Variants in MYL12B observed in about 807,000 individuals in gnomAD.
The protein encoded by MYL12B is myosin regulatory light chain 12B.
Under a neutral mutation model 12.9 loss-of-function variants are expected in MYL12B, and 3 were observed. That is an observed-to-expected ratio of 0.23 (90% confidence interval 0.11 to 0.60). The LOEUF is 0.60. MYL12B is among the 20% of genes least tolerant of loss of function. The probability of loss-of-function intolerance (pLI) is 0.89; values close to 1 mark genes in which losing one functional copy is unlikely to be tolerated. For missense variants in MYL12B, 120 were observed against 215.4 expected, an observed-to-expected ratio of 0.56 and a Z score of 2.77; for synonymous variants, 57 against 71.9, an observed-to-expected ratio of 0.79 and a Z score of 1.05.
At chr18:3,270,266 G>A (rs979720450) in intron 1 of MYL12B, among the ~76,000 whole-genome samples, 4 of 152,156 alleles carry the variant, frequency 2.6e-5, no homozygotes, top group Non-Finnish European at 5.9e-5. Flanking sequence ...TACTGTATGT[G>A]TAGTTTTTAT....
intron 1 of MYL12B, among the ~76,000 whole-genome samples, chr18:3,264,041 T>G (rs1190999209): frequency 6.6e-6 from 1 of 152,222 alleles, no homozygotes; most frequent in East Asian, 1.9e-4. Flanking sequence ...AATCAGTGCC[T>G]GGCACATCTT....
At chr18:3,268,158 A>G (rs1257000942) in intron 1 of MYL12B, among the ~76,000 whole-genome samples, 2 of 152,344 alleles carry the variant, frequency 1.3e-5, no homozygotes, top group Non-Finnish European at 2.9e-5. Context: ...CCCTCAGATA[A>G]GGAGGGACTG....
intron 1 of MYL12B, chr18:3,262,747 C>G (rs1225956264): frequency 6.6e-6 from 1 of 152,458 alleles, no homozygotes; most frequent in African/African-American, 2.4e-5. Flanking sequence ...GTTGCACGGT[C>G]TTGCCTAAGG....
chr18:3,275,918 G>A (rs1483608723), intron 2 of MYL12B, among the ~76,000 whole-genome samples: 1 of 152,080 alleles, frequency 6.6e-6, no homozygotes, highest in African/African-American at 2.4e-5. Flanking sequence ...AGTGTAATCA[G>A]GTAGGACTGC....
At chr18:3,263,393 G>A (rs1662336) in intron 1 of MYL12B, among the ~76,000 whole-genome samples, 128,340 of 152,196 alleles carry the variant, frequency 0.84, 54,144 homozygotes, top group Middle Eastern at 0.87. Context: ...ACTGAGGAAA[G>A]TGAAACCCAG....
At chr18:3,273,851 G>GTTTT (rs1555636125) in intron 2 of MYL12B, among the ~76,000 whole-genome samples, 7,786 of 115,364 alleles carry the variant, frequency 0.067, 364 homozygotes, top group East Asian at 0.18. Flanking sequence ...AGAGGTGGGG[G>GTTTT]TTTTTTTTTT....
intron 1 of MYL12B, among the ~76,000 whole-genome samples, chr18:3,265,149 G>T (rs1435281275): frequency 4.6e-5 from 7 of 151,990 alleles, no homozygotes; most frequent in Non-Finnish European, 8.8e-5. Flanking sequence ...ATTGAGTTTG[G>T]CTCCCTAAAA....
chr18:3,266,107 CAATG>C (rs2081632306), intron 1 of MYL12B, among the ~76,000 whole-genome samples: 2 of 152,092 alleles, frequency 1.3e-5, no homozygotes. Flanking sequence ...ACCTCAGAAA[CAATG>C]AACAATTTTT....
intron 1 of MYL12B, among the ~76,000 whole-genome samples, chr18:3,266,240 G>A (rs2081633214): frequency 6.6e-6 from 1 of 152,200 alleles, no homozygotes; most frequent in Admixed American, 6.5e-5. Flanking sequence ...CTGACGCATA[G>A]CCGACAAGTT....
chr18:3,263,096 A>C (rs1598804219), intron 1 of MYL12B: 1 of 152,324 alleles, frequency 6.6e-6, no homozygotes, highest in Non-Finnish European at 1.5e-5. Context: ...GCGGGTATGG[A>C]ACAGAACTGT....
chr18:3,272,180 C>T (rs2081684466), intron 1 of MYL12B: 7 of 835,246 alleles, frequency 8.4e-6, no homozygotes. Context: ...TTGAACATGA[C>T]TAGTCTTTTT....
intron 2 of MYL12B, chr18:3,276,831 G>C (rs1176644029): frequency 4.1e-6 from 3 of 736,332 alleles, no homozygotes; most frequent in African/African-American, 3.9e-5. Context: ...GAGCTCAGGA[G>C]TTCAAGACCA....
intron 1 of MYL12B, among the ~76,000 whole-genome samples, chr18:3,270,216 T>C (rs568119277): frequency 1.2e-4 from 19 of 152,240 alleles, no homozygotes; most frequent in Non-Finnish European, 2.5e-4. Flanking sequence ...TCCCTTCAGA[T>C]TGATTATTTT....
intron 1 of MYL12B, chr18:3,262,889 G>T (rs962971021): frequency 6.6e-6 from 1 of 152,250 alleles, no homozygotes. Flanking sequence ...TAGTTTATTC[G>T]TGTTGATTGA....
chr18:3,265,218 A>G (rs1211606305), intron 1 of MYL12B, among the ~76,000 whole-genome samples: 4 of 152,204 alleles, frequency 2.6e-5, no homozygotes. Flanking sequence ...GCACAAAAGC[A>G]ATTATATGTC....
At chr18:3,277,565 T>G in intron 3 of MYL12B, 151 bp downstream of exon 3, 1 of 1,352,034 alleles carries the variant, frequency 7.4e-7, no homozygotes, top group Non-Finnish European at 9.9e-7. Flanking sequence ...TTTAAATGAT[T>G]TGATCTAATA....
intron 1 of MYL12B, among the ~76,000 whole-genome samples, chr18:3,270,653 A>G (rs985502947): frequency 2.6e-5 from 2 of 77,878 alleles, no homozygotes; most frequent in Admixed American, 2.7e-4. Context: ...GCATGATACA[A>G]TTGACTGATT....
chr18:3,263,608 G>A (rs1414213826), intron 1 of MYL12B, among the ~76,000 whole-genome samples: 4 of 152,234 alleles, frequency 2.6e-5, no homozygotes, highest in Non-Finnish European at 5.9e-5. Context: ...GCTAGGGTTA[G>A]GAAAGAACAG....
intron 1 of MYL12B, among the ~76,000 whole-genome samples, chr18:3,271,203 A>G (rs1292348546): frequency 6.6e-6 from 1 of 152,230 alleles, no homozygotes; most frequent in East Asian, 1.9e-4. Context: ...TTAGTAGACT[A>G]CATTCTGTCT....
Sources: allele counts gnomAD v4.1 joint callset (sites outside exome capture counted in the v4.1 genomes callset), GRCh38; gene constraint gnomAD v4.1.1; transcripts MANE v1.5; gene names NCBI Gene and HGNC (gene_info 2026-07-23, HGNC 2026-07-21).